The following SRPK2 variants were observed in gnomAD, a reference collection of about 807,000 sequenced individuals.
The protein encoded by SRPK2 is SRSF protein kinase 2.
In SRPK2, 21 loss-of-function variants were observed where a neutral mutation model predicts 90.8. That is an observed-to-expected ratio of 0.23 (90% CI 0.16 to 0.33). The LOEUF is 0.33. Among genes scored for constraint, SRPK2 ranks in the 10% least tolerant of loss-of-function variants. The pLI is 1.00. For missense variants in SRPK2, 620 were observed against 869.0 expected (o/e 0.71, Z 3.60); for synonymous variants, 288 against 311.1 (o/e 0.93, Z 0.78).
chr7:105,201,009 T>C (rs1439719791), intron 3 of SRPK2, among the ~76,000 whole-genome samples: 3 of 152,314 alleles, frequency 2.0e-5, no homozygotes, highest in South Asian at 2.1e-4. Flanking sequence ...TACTTGATTG[T>C]AGGTAAAATG....
intron 2 of SRPK2, among the ~76,000 whole-genome samples, chr7:105,208,635 G>C (rs1796491204): frequency 6.6e-6 from 1 of 152,074 alleles, no homozygotes; most frequent in Admixed American, 6.6e-5. Flanking sequence ...TCGGGGGTTG[G>C]GGAAATGGAG....
At chr7:105,244,558 A>G (rs529264245) in intron 2 of SRPK2, 1 of 575,438 alleles carries the variant, frequency 1.7e-6, no homozygotes, top group African/African-American at 1.9e-5. Flanking sequence ...TGGGCGACAG[A>G]ACGAGACTCC....
intron 3 of SRPK2, among the ~76,000 whole-genome samples, chr7:105,185,772 T>C (rs1291441724): frequency 2.6e-5 from 4 of 152,144 alleles, no homozygotes; most frequent in South Asian, 2.1e-4. Flanking sequence ...TGCTTTCCAG[T>C]TTAATCACCA....
chr7:105,220,732 A>C (rs931278118), intron 2 of SRPK2, among the ~76,000 whole-genome samples: 4 of 152,184 alleles, frequency 2.6e-5, no homozygotes, highest in African/African-American at 9.6e-5. Context: ...TATTGTTTTC[A>C]CTAAGACTCA....
chr7:105,124,748 T>A (rs913123567), intron 15 of SRPK2, among the ~76,000 whole-genome samples: 1 of 150,376 alleles, frequency 6.6e-6, no homozygotes, highest in South Asian at 2.2e-4. Context: ...CCTACTCACA[T>A]CAACTTTAAA....
intron 5 of SRPK2, 75 bp downstream of exon 5, chr7:105,167,933 T>C: frequency 8.0e-7 from 1 of 1,253,634 alleles, no homozygotes. Context: ...AATTTAGTAT[T>C]ACCCAGAAAA....
At chr7:105,262,037 G>A (rs1446618592) in intron 2 of SRPK2, among the ~76,000 whole-genome samples, 1 of 152,094 alleles carries the variant, frequency 6.6e-6, no homozygotes, top group Admixed American at 6.5e-5. Flanking sequence ...AAGCACAAGG[G>A]GAAGACAGCT....
chr7:105,254,766 T>TG (rs1214033691), intron 2 of SRPK2, among the ~76,000 whole-genome samples: 2 of 152,150 alleles, frequency 1.3e-5, no homozygotes, highest in Non-Finnish European at 2.9e-5. Flanking sequence ...CTTGGCTCGC[T>TG]GTAGCCTTTG....
chr7:105,221,650 C>G (rs1798111290), intron 2 of SRPK2, among the ~76,000 whole-genome samples: 1 of 152,144 alleles, frequency 6.6e-6, no homozygotes, highest in Non-Finnish European at 1.5e-5. Flanking sequence ...TGGTGTCTCC[C>G]TTATATAACC....
intron 2 of SRPK2, among the ~76,000 whole-genome samples, chr7:105,373,529 A>G (rs1253465818): frequency 1.3e-5 from 2 of 149,866 alleles, no homozygotes; most frequent in Non-Finnish European, 3.0e-5. Flanking sequence ...CAGCCTCCCT[A>G]TGAACTGGGA....
intron 2 of SRPK2, among the ~76,000 whole-genome samples, chr7:105,365,726 T>G (rs1381465259): frequency 2.6e-5 from 4 of 151,600 alleles, no homozygotes; most frequent in Non-Finnish European, 5.9e-5. Flanking sequence ...GTGAGCTTAG[T>G]AGGTCAGGGC....
chr7:105,339,358 CCA>C (rs1412174905), intron 2 of SRPK2, among the ~76,000 whole-genome samples: 1 of 152,134 alleles, frequency 6.6e-6, no homozygotes, highest in Non-Finnish European at 1.5e-5. Context: ...CTCATTCATT[CCA>C]TAAGCACTTA....
rs570584633 is a variant in SRPK2 at position 105,351,312 on chromosome 7, C to A, written c.71+37336G>T. Reference sequence around the variant, plus strand: ...ACCTTGGCCTTCCCAGCATGCAGAACTGAAAGAAATAAATTCCTTTTCTTT... The same window carrying A: ...ACCTTGGCCTTCCCAGCATGCAGAAATGAAAGAAATAAATTCCTTTTCTTT... On this transcript the variant is annotated intron_variant, in intron 2 of 15. Transcript: ENST00000393651. 3.9e-5 allele frequency among the ~76,000 whole-genome samples: 6 copies of A among 152,056 alleles called. No homozygotes were observed. In the East Asian group the frequency reaches 1.2e-3, roughly 29 times the overall value.
intron 6 of SRPK2, among the ~76,000 whole-genome samples, chr7:105,162,376 C>G (rs796450922): frequency 2.0e-5 from 3 of 152,150 alleles, no homozygotes; most frequent in African/African-American, 7.2e-5. Flanking sequence ...GGTATTTCAG[C>G]CTTCACAACT....
intron 2 of SRPK2, among the ~76,000 whole-genome samples, chr7:105,252,323 A>T (rs909065496): frequency 6.6e-6 from 1 of 152,200 alleles, no homozygotes; most frequent in Non-Finnish European, 1.5e-5. Flanking sequence ...ACAAAAACAG[A>T]GTAGGGTGGA....
intron 2 of SRPK2, among the ~76,000 whole-genome samples, chr7:105,352,637 C>T (rs1038995663): frequency 4.6e-5 from 7 of 152,242 alleles, no homozygotes; most frequent in African/African-American, 1.7e-4. Context: ...TGGTGGCTCA[C>T]GCCAGTAATC....
chr7:105,147,156 T>C (rs1804763153), intron 7 of SRPK2, among the ~76,000 whole-genome samples: 1 of 152,226 alleles, frequency 6.6e-6, no homozygotes, highest in South Asian at 2.1e-4. Context: ...AAATATGCTA[T>C]ATAACACACA....
At chr7:105,170,848 A>G (rs28587490) in intron 3 of SRPK2, among the ~76,000 whole-genome samples, 56 of 15,568 alleles carry the variant, frequency 3.6e-3, no homozygotes, top group East Asian at 7.4e-3. Context: ...AGAAAGAAAG[A>G]AAGAAAGAAA....
At chr7:105,293,419 G>C (rs1490002238) in intron 2 of SRPK2, among the ~76,000 whole-genome samples, 1 of 151,602 alleles carries the variant, frequency 6.6e-6, no homozygotes, top group Non-Finnish European at 1.5e-5. Flanking sequence ...CATAAAATCA[G>C]TATTAGGTAG....
Sources: gnomAD v4.1 joint callset for allele counts (sites outside exome capture counted in the v4.1 genomes callset) on GRCh38, gnomAD v4.1.1 for gene constraint, MANE v1.5 for transcripts, NCBI Gene and HGNC (gene_info 2026-07-23, HGNC 2026-07-21) for gene names.